The following COX7B2 variants were observed in gnomAD, a reference collection of about 807,000 sequenced individuals.
The protein encoded by COX7B2 is cytochrome c oxidase subunit 7B2, also known as cytochrome c oxidase subunit 7B2, mitochondrial.
For synonymous variants in COX7B2, 37 were observed against 32.1 expected (o/e 1.15, Z -0.51); for missense variants, 109 against 95.9 (o/e 1.14, Z -0.57).
chr4:46,875,044 T>C (rs777167688), intron 1 of COX7B2, among the ~76,000 whole-genome samples: 1 of 152,164 alleles, frequency 6.6e-6, no homozygotes, highest in Non-Finnish European at 1.5e-5. Context: ...GGCTGGGTAA[T>C]AAGGCTGCAT....
chr4:46,878,020 T>TAC (rs58928264), intron 1 of COX7B2, among the ~76,000 whole-genome samples: 1,491 of 147,592 alleles, frequency 0.01, 17 homozygotes, highest in South Asian at 0.019. Flanking sequence ...TTGTAGTGCA[T>TAC]ACACACACAC....
Position 46,790,495 on chromosome 4 carries a change from C to T in COX7B2, c.-50+54465G>A, listed in dbSNP as rs374857180. 2.5e-4 allele frequency among the ~76,000 whole-genome samples: 38 copies of T among 152,238 alleles called. 1 individual carries two copies. The East Asian group carries it at 6.8e-3, about 27-fold the overall frequency. ...TAATTTATTACTTATTATTGCTGGGCTTATCTTATTGTTGCTCCTTTTCCA... is the reference window on the plus strand; with the variant it reads ...TAATTTATTACTTATTATTGCTGGGTTTATCTTATTGTTGCTCCTTTTCCA... On this transcript the variant is annotated intron_variant, in intron 2 of 2. Transcript: ENST00000355591.
intron 1 of COX7B2, among the ~76,000 whole-genome samples, chr4:46,865,326 A>G (rs1263072915): frequency 1.3e-5 from 2 of 152,206 alleles, no homozygotes; most frequent in Non-Finnish European, 2.9e-5. Context: ...ATGGTTGTGT[A>G]TGTACCATAT....
intron 2 of COX7B2, among the ~76,000 whole-genome samples, chr4:46,826,155 T>TA (rs1390567956): frequency 3.3e-5 from 5 of 151,862 alleles, no homozygotes; most frequent in Non-Finnish European, 7.4e-5. Context: ...GCAGCATCTA[T>TA]AAAAAACTTA....
intron 2 of COX7B2, among the ~76,000 whole-genome samples, chr4:46,762,476 A>G (rs1232257221): frequency 7.1e-6 from 1 of 139,910 alleles, no homozygotes; most frequent in Non-Finnish European, 1.5e-5. Context: ...TGTACTATAT[A>G]TACTATATAT....
intron 1 of COX7B2, among the ~76,000 whole-genome samples, chr4:46,873,157 CT>C (rs1718104994): frequency 6.6e-6 from 1 of 151,984 alleles, no homozygotes; most frequent in African/African-American, 2.4e-5. Context: ...TGAACTCATC[CT>C]TTTTTACAGC....
chr4:46,820,675 G>T (rs1714209628), intron 2 of COX7B2, among the ~76,000 whole-genome samples: 1 of 151,864 alleles, frequency 6.6e-6, no homozygotes, highest in Non-Finnish European at 1.5e-5. Context: ...TACAAAATTA[G>T]CTGGGCATGG....
intron 2 of COX7B2, among the ~76,000 whole-genome samples, chr4:46,750,948 A>T (rs1715334485): frequency 6.6e-6 from 1 of 152,082 alleles, no homozygotes; most frequent in Admixed American, 6.6e-5. Flanking sequence ...ATACAGACAC[A>T]CTGAGGGTTA....
intron 2 of COX7B2, among the ~76,000 whole-genome samples, chr4:46,785,323 ATTG>A (rs1048042552): frequency 6.6e-6 from 1 of 151,860 alleles, no homozygotes; most frequent in Non-Finnish European, 1.5e-5. Flanking sequence ...AAAAAACTCT[ATTG>A]TTGTTGAAAA....
chr4:46,742,110 A>T (rs1475805128), intron 2 of COX7B2, among the ~76,000 whole-genome samples: 1 of 152,164 alleles, frequency 6.6e-6, no homozygotes, highest in African/African-American at 2.4e-5. Context: ...AAAGAGTTAT[A>T]GGGACCCCCT....
At chr4:46,845,347 A>G (rs778353495) in intron 1 of COX7B2, among the ~76,000 whole-genome samples, 20 of 151,810 alleles carry the variant, frequency 1.3e-4, no homozygotes, top group African/African-American at 1.7e-4. Context: ...CCCAACCTCA[A>G]ATGGAAGGTT....
At chr4:46,884,004 C>A (rs1718912694) in intron 1 of COX7B2, among the ~76,000 whole-genome samples, 1 of 151,952 alleles carries the variant, frequency 6.6e-6, no homozygotes, top group Non-Finnish European at 1.5e-5. Flanking sequence ...GAATTTGAAT[C>A]TTCATTTTTC....
chr4:46,881,216 G>A (rs1300564064), intron 1 of COX7B2, among the ~76,000 whole-genome samples: 1 of 152,046 alleles, frequency 6.6e-6, no homozygotes, highest in Non-Finnish European at 1.5e-5. Context: ...GGTGGTCAGG[G>A]CACAGCTTAG....
intron 2 of COX7B2, among the ~76,000 whole-genome samples, chr4:46,762,786 T>C (rs1716265184): frequency 6.8e-6 from 1 of 147,856 alleles, no homozygotes; most frequent in Non-Finnish European, 1.5e-5. Context: ...TTCATATACA[T>C]ATGAAAAAAA....
At chr4:46,813,199 T>C (rs946539203) in intron 2 of COX7B2, among the ~76,000 whole-genome samples, 1 of 152,224 alleles carries the variant, frequency 6.6e-6, no homozygotes, top group African/African-American at 2.4e-5. Flanking sequence ...GATTAAATAA[T>C]ATTCAATTGT....
chr4:46,892,691 A>G (rs1225032075), intron 1 of COX7B2, among the ~76,000 whole-genome samples: 1 of 152,172 alleles, frequency 6.6e-6, no homozygotes, highest in African/African-American at 2.4e-5. Flanking sequence ...ATCTTCAGAA[A>G]ATAAGGAGTG....
At chr4:46,767,396 A>T (rs1216900627) in intron 2 of COX7B2, among the ~76,000 whole-genome samples, 1 of 152,244 alleles carries the variant, frequency 6.6e-6, no homozygotes, top group East Asian at 1.9e-4. Flanking sequence ...GAAATAGACA[A>T]TACAATAACA....
intron 2 of COX7B2, among the ~76,000 whole-genome samples, chr4:46,764,081 A>T (rs1315739157): frequency 6.6e-6 from 1 of 152,204 alleles, no homozygotes; most frequent in Non-Finnish European, 1.5e-5. Flanking sequence ...GATCTGAAAG[A>T]TTACCTTTCC....
intron 1 of COX7B2, among the ~76,000 whole-genome samples, chr4:46,865,582 G>A (rs1277793983): frequency 6.6e-6 from 1 of 152,042 alleles, no homozygotes; most frequent in Admixed American, 6.5e-5. Flanking sequence ...CTACCGCTTT[G>A]AACAACTGCT....
Sources: gnomAD v4.1 joint callset for allele counts (sites outside exome capture counted in the v4.1 genomes callset) on GRCh38, gnomAD v4.1.1 for gene constraint, MANE v1.5 for transcripts, NCBI Gene and HGNC (gene_info 2026-07-23, HGNC 2026-07-21) for gene names.